Variants in C11orf71 observed in about 807,000 individuals in gnomAD.
C11orf71 encodes the protein uncharacterized protein C11orf71.
For missense variants in C11orf71, 179 were observed against 167.6 expected (o/e 1.07, Z -0.38); for synonymous variants, 72 against 73.4 (o/e 0.98, Z 0.09).
At chr11:114,394,200 TTTC>T (rs1266627389), downstream of C11orf71, among the ~76,000 whole-genome samples, 32 of 43,280 alleles carry the variant, frequency 7.4e-4, no homozygotes, top group East Asian at 1.0e-3. Flanking sequence ...TTTCTTTTCT[TTTC>T]TTTTCTTTTC....
At chr11:114,397,412 T>C (rs1332230301), downstream of C11orf71, among the ~76,000 whole-genome samples, 1 of 152,208 alleles carries the variant, frequency 6.6e-6, no homozygotes, top group Non-Finnish European at 1.5e-5. Flanking sequence ...AATACAGTCT[T>C]TGTGACTCGA....
intron 1 of C11orf71, among the ~76,000 whole-genome samples, chr11:114,392,071 A>G (rs1946077103): frequency 1.3e-5 from 2 of 152,294 alleles, no homozygotes; most frequent in South Asian, 4.1e-4. Flanking sequence ...GTAAGTATAC[A>G]GGTATTGGTT....
At chr11:114,394,252 CTTTTCTTTTCTTTTCTT>C (rs1565256633), downstream of C11orf71, among the ~76,000 whole-genome samples, 12 of 66,590 alleles carry the variant, frequency 1.8e-4, no homozygotes, top group South Asian at 4.2e-3. Flanking sequence ...CTTTTCTTTT[CTTTTCTTTTCTTTTCTT>C]TTCTTTTCTT....
chr11:114,397,670 G>C (rs552555508), downstream of C11orf71, among the ~76,000 whole-genome samples: 1 of 152,254 alleles, frequency 6.6e-6, no homozygotes, highest in African/African-American at 2.4e-5. Flanking sequence ...CCTTGCTCTT[G>C]AGCACTTTTG....
intron 1 of C11orf71, among the ~76,000 whole-genome samples, chr11:114,392,548 A>AAAAAG (rs1461395379): frequency 5.3e-4 from 66 of 124,860 alleles, no homozygotes; most frequent in African/African-American, 1.7e-3. Flanking sequence ...AAAAAAAAAA[A>AAAAAG]AAGAAGAAGA....
intron 1 of C11orf71, among the ~76,000 whole-genome samples, chr11:114,393,025 A>T (rs1354977644): frequency 6.6e-6 from 1 of 152,238 alleles, no homozygotes; most frequent in Non-Finnish European, 1.5e-5. Flanking sequence ...AATGGTTGGA[A>T]AGTAAAGTGG....
At position 114,400,005 on chromosome 11, in the gene C11orf71, A is replaced by T; in HGVS notation, c.327T>A (p.Arg109=). Residue 109 remains arginine (R), a synonymous_variant, in exon 1 of 1, where the codon CGT becomes CGA. Transcript: ENST00000623205. ...CGATAACACCTCCTAATGCAATCAA[A>T]CGCTGTTGCAGCACACTTCTTAGGA... ...PDLLRSVLQQ[R]LIALGGVIAA... The T allele has an allele frequency of 6.2e-7, 1 of 1,613,092 alleles. No homozygotes were observed. The highest frequency in any genetic ancestry group is 1.1e-5 in the South Asian group (1 of 91,056).
chr11:114,392,094 C>T (rs1341597601), intron 1 of C11orf71, among the ~76,000 whole-genome samples: 1 of 152,044 alleles, frequency 6.6e-6, no homozygotes, highest in Non-Finnish European at 1.5e-5. Context: ...ATTTTACTTA[C>T]ACTGTTTTGT....
downstream of C11orf71, among the ~76,000 whole-genome samples, chr11:114,394,178 C>CTTTTCTTTTCT (rs1565256269): frequency 1.2e-5 from 1 of 81,146 alleles, no homozygotes; most frequent in African/African-American, 6.3e-5. Context: ...GACGGGGTTT[C>CTTTTCTTTTCT]GTTTCTTTTC....
At chr11:114,394,287 C>T (rs9667955), downstream of C11orf71, among the ~76,000 whole-genome samples, 1,272 of 70,732 alleles carry the variant, frequency 0.018, 92 homozygotes, top group East Asian at 0.057. Context: ...CTTTTCTTTT[C>T]TCTTATTTTC....
downstream of C11orf71, among the ~76,000 whole-genome samples, chr11:114,394,225 TTTC>T (rs1448923991): frequency 4.2e-5 from 2 of 47,894 alleles, no homozygotes; most frequent in African/African-American, 1.5e-4. Flanking sequence ...TTTCTTTTCT[TTTC>T]TTTCTTTTCT....
chr11:114,395,346 A>T (rs545451221), downstream of C11orf71, among the ~76,000 whole-genome samples: 18 of 152,350 alleles, frequency 1.2e-4, no homozygotes, highest in East Asian at 2.7e-3. Flanking sequence ...TAAAAGTTTA[A>T]CCAACAGAAA....
chr11:114,391,802 G>C lies in C11orf71; in HGVS notation c.344-137C>G, dbSNP rs1252584516. ...AAAATTCAGTGGGGACAATAAGCAA[G>C]TCACAAAAGAATATGTGCAATATAA... On this transcript the variant is annotated intron_variant, in intron 1 of 1. Coordinates refer to the C11orf71 transcript ENST00000325636. 6 of 468,434 alleles carry C rather than the reference G, an allele frequency of 1.3e-5. No individual in the cohort carries two copies. The South Asian group carries it at 1.6e-4, about 13-fold the overall frequency. 29.0% of individuals were successfully genotyped at this position (468,434 alleles called of 1,614,324 possible).
At chr11:114,397,630 C>T (rs532655012), downstream of C11orf71, among the ~76,000 whole-genome samples, 16 of 152,322 alleles carry the variant, frequency 1.1e-4, no homozygotes, top group East Asian at 2.9e-3. Context: ...CCAGAACAAA[C>T]AGAAATGAAG....
downstream of C11orf71, among the ~76,000 whole-genome samples, chr11:114,397,713 T>C (rs1946139792): frequency 1.3e-5 from 2 of 152,192 alleles, no homozygotes; most frequent in South Asian, 4.1e-4. Context: ...ACAAATCTCA[T>C]CCTCTTTTCC....
At chr11:114,394,242 CTT>C (rs768188409), downstream of C11orf71, among the ~76,000 whole-genome samples, 2 of 58,756 alleles carry the variant, frequency 3.4e-5, no homozygotes, top group African/African-American at 1.7e-4. Context: ...CTTTTCTTTT[CTT>C]TTCTTTTCTT....
chr11:114,393,413 C>T (rs1440851092), intron 1 of C11orf71, among the ~76,000 whole-genome samples: 2 of 152,184 alleles, frequency 1.3e-5, no homozygotes, highest in Non-Finnish European at 2.9e-5. Context: ...CAATCGGAAG[C>T]AATTAATTTG....
downstream of C11orf71, among the ~76,000 whole-genome samples, chr11:114,393,650 A>G (rs539550747): frequency 1.6e-4 from 24 of 152,366 alleles, no homozygotes; most frequent in African/African-American, 5.8e-4. Context: ...TTTTGATGAT[A>G]AAGAACACTT....
chr11:114,400,362 C>T lies in C11orf71; in HGVS notation c.-31G>A, dbSNP rs920824298. On this transcript the variant is annotated 5_prime_UTR_variant, in exon 1 of 1. Transcript: ENST00000623205. ...AACACTGCCCGCAGTACTTGCGTTA[C>T]GTCCCTTTGTGAAGGCAGGCCCTTC... 6.4e-7 allele frequency: 1 copy of T among 1,567,082 alleles called. No individual in the cohort carries two copies. The highest frequency in any genetic ancestry group is 1.4e-5 in the African/African-American group (1 of 74,006).
Sources: allele counts gnomAD v4.1 joint callset (sites outside exome capture counted in the v4.1 genomes callset), GRCh38; gene constraint gnomAD v4.1.1; transcripts MANE v1.5; gene names NCBI Gene and HGNC (gene_info 2026-07-23, HGNC 2026-07-21).